Variants in SYTL1 observed in about 807,000 individuals in gnomAD.
SYTL1 encodes the protein synaptotagmin-like protein 1.
A neutral mutation model predicts 74.6 loss-of-function variants in SYTL1; 53 were observed. The observed-to-expected ratio is 0.71, with a 90% CI of 0.57 to 0.89. The LOEUF (loss-of-function observed/expected upper bound fraction) is 0.89, where lower values mean the gene tolerates loss of function less well. Ranked by LOEUF, SYTL1 falls within the 40% of genes least tolerant of loss-of-function variation. SYTL1 has a pLI of 0.00. For synonymous variants in SYTL1, 329 were observed against 324.9 expected, an observed-to-expected ratio of 1.01 and a Z score of -0.14; for missense variants, 728 against 768.7, an observed-to-expected ratio of 0.95 and a Z score of 0.63.
chr1:27,350,580 C>A lies in SYTL1; in HGVS notation c.1005+95C>A. On this transcript the variant is annotated intron_variant, in intron 10 of 14. Transcript: ENST00000616558. The surrounding 1 kb of genome is among the most constrained non-coding windows in gnomAD (Gnocchi z 6.3). ...CAAGGGCAGCCAGTAACGTCATTGC[C>A]CGGAGGATCGGCGGAGGGGGCCCAT... 8.4e-7 allele frequency: 1 copy of A among 1,191,790 alleles called. No homozygotes were observed. The highest frequency in any genetic ancestry group is 1.2e-6 in the Non-Finnish European group (1 of 830,044). 73.8% of individuals were successfully genotyped at this position (1,191,790 alleles called of 1,614,324 possible).
In SYTL1 at chr1:27,347,888, G is replaced by A. The variant is rs756289605; in HGVS notation, c.413+8G>A. The A allele has an allele frequency of 7.4e-6, 12 of 1,614,050 alleles. No individual in the cohort carries two copies. The highest frequency in any genetic ancestry group is 1.0e-5 in the Non-Finnish European group (12 of 1,180,006). On this transcript the variant is annotated splice_region_variant and intron_variant, in intron 4 of 14. Transcript: ENST00000616558. The surrounding 1 kb of genome is among the most constrained non-coding windows in gnomAD (Gnocchi z 4.9). ...AGAGGGGCCAGAGCCCAGGTGAGGA[G>A]GAGTCTCAGGAAGGGGGAGATGGTG...
chr1:27,353,548 G>C, intron 14 of SYTL1, 60 bp downstream of exon 14: 1 of 1,552,220 alleles, frequency 6.4e-7, no homozygotes, highest in Non-Finnish European at 8.7e-7. Context: ...TGGGGGCTCA[G>C]TGTGTGGCCC....
In SYTL1 at chr1:27,351,272, C is replaced by T. The variant is rs1452464707; in HGVS notation, c.1179C>T (p.Pro393=). 3 of 1,559,968 alleles carry T rather than the reference C, an allele frequency of 1.9e-6. No homozygotes were observed. Among genetic ancestry groups the T allele is most frequent in the Admixed American group, 3.8e-5 (2 of 52,524 alleles). The change falls in exon 12 of 15, where the codon CCC becomes CCT. Residue 393 remains proline, a synonymous_variant. Coordinates refer to ENST00000616558, the MANE Select transcript of SYTL1 (RefSeq NM_001193308.2). This position sits in a 1 kb window ranked among gnomAD's most constrained non-coding sequence, Gnocchi z 5.0. ...GCCTCTCGCAGGTCCCACCCTCTCC[C>T]GACGACCTTCCGAGCCGCGGGTTAC... ...LPLQPRVPPS[P]DDLPSRGLLA...
At position 27,349,393 on chromosome 1, in the gene SYTL1, C is replaced by G. The variant is rs1377961274; in HGVS notation, c.533-5C>G. The G allele has an allele frequency of 1.5e-5, 22 of 1,446,146 alleles. No homozygotes were observed. The highest frequency in any genetic ancestry group is 3.0e-5 in the South Asian group (2 of 67,592). The allele number at this position is 1,446,146 out of a possible 1,614,324, so 89.6% of individuals were successfully genotyped here. ...GCTCGCTTAGCATCTCGTGCCCCAC[C>G]CCAGATCCTGGCCAAGGAGACCAAC... On this transcript the variant is annotated splice_region_variant and splice_polypyrimidine_tract_variant and intron_variant, in intron 6 of 14. Transcript: ENST00000616558.
Position 27,350,080 on chromosome 1 carries a change from C to T in SYTL1, c.856C>T (p.His286Tyr). Residue 286 changes from histidine to tyrosine, a missense_variant, in exon 9 of 15, where the codon CAC becomes TAC. Transcript: ENST00000616558. This position sits in a 1 kb window ranked among gnomAD's most constrained non-coding sequence, Gnocchi z 6.3. Reference protein sequence around the residue: ...YEPGAAELRVHVIQCQGLAAA... With the variant: ...YEPGAAELRVYVIQCQGLAAA... ...GCCGGGCGCCGCCGAGCTGCGCGTG[C>T]ACGTGATCCAGTGCCAGGGCCTGGC... is the stretch of plus-strand genomic sequence containing the variant. 1 of 1,487,244 alleles carries T rather than the reference C, an allele frequency of 6.7e-7. No individual in the cohort carries two copies. Among genetic ancestry groups the T allele is most frequent in the Admixed American group, 2.3e-5 (1 of 42,852 alleles). The allele number at this position is 1,487,244 out of a possible 1,614,324, so 92.1% of individuals were successfully genotyped here.
In SYTL1 at chr1:27,345,311, C is replaced by T; in HGVS notation, c.-24C>T. On this transcript the variant is annotated 5_prime_UTR_variant, in exon 2 of 15. Transcript: ENST00000616558. This position sits in a 1 kb window ranked among gnomAD's most constrained non-coding sequence, Gnocchi z 6.0. ...TCTGCCCCCAGGAAGCTCCGTGTGC[C>T]CAGCTGGGGCACAGCCCCAGCTGAT... 1 of 1,452,854 alleles carries T rather than the reference C, an allele frequency of 6.9e-7. No individual in the cohort carries two copies. Among genetic ancestry groups the T allele is most frequent in the Non-Finnish European group, 9.1e-7 (1 of 1,101,774 alleles). 90.0% of individuals were successfully genotyped at this position (1,452,854 alleles called of 1,614,324 possible).
Position 27,351,597 on chromosome 1 carries a change from GCA to G in SYTL1, c.1343+43_1343+44del, listed in dbSNP as rs1218683842. ...CTCCGGGCTTCCCATTCTTTTGCCT[GCA>G]GTGGAGTGCCCAACCTCCACAAACC... On this transcript the variant is annotated intron_variant, in intron 13 of 14. Coordinates refer to ENST00000616558, the MANE Select transcript of SYTL1 (RefSeq NM_001193308.2). This position sits in a 1 kb window ranked among gnomAD's most constrained non-coding sequence, Gnocchi z 5.0. 1 of 1,304,068 alleles carries G rather than the reference GCA, an allele frequency of 7.7e-7. No individual in the cohort carries two copies. The highest frequency in any genetic ancestry group is 2.6e-5 in the East Asian group (1 of 38,880). 80.8% of individuals were successfully genotyped at this position (1,304,068 alleles called of 1,614,324 possible). A position where few individuals can be genotyped will look rare whatever the true frequency, so the allele number is the denominator to read the frequency against.
Position 27,351,050 on chromosome 1 carries a change from A to G in SYTL1, c.1164+98A>G. The stretch of plus-strand genomic sequence containing the variant: ...AGCCCCCTCACACCCCGCCTTCGAC[A>G]GAACCTCCCCTCAACCTCTTAACCT... On this transcript the variant is annotated intron_variant, in intron 11 of 14. Transcript: ENST00000616558. This position sits in a 1 kb window ranked among gnomAD's most constrained non-coding sequence, Gnocchi z 5.0. The G allele has an allele frequency of 6.9e-7, 1 of 1,451,940 alleles. No homozygotes were observed. The allele number at this position is 1,451,940 out of a possible 1,614,324, so 89.9% of individuals were successfully genotyped here.
Position 27,351,087 on chromosome 1 carries a change from G to A in SYTL1, c.1164+135G>A. 7.5e-7 allele frequency: 1 copy of A among 1,339,852 alleles called. No individual in the cohort carries two copies. Among genetic ancestry groups the A allele is most frequent in the Non-Finnish European group, 1.0e-6 (1 of 987,998 alleles). The allele number at this position is 1,339,852 out of a possible 1,614,324, so 83.0% of individuals were successfully genotyped here. ...CAACCTCTTAACCTCATGGCCCCAGGCGAAGCCCGGCCGGCCACGGCCCCT... is the reference window on the plus strand; with the variant it reads ...CAACCTCTTAACCTCATGGCCCCAGACGAAGCCCGGCCGGCCACGGCCCCT... On this transcript the variant is annotated intron_variant, in intron 11 of 14. Coordinates refer to ENST00000616558, the MANE Select transcript of SYTL1 (RefSeq NM_001193308.2). This position sits in a 1 kb window ranked among gnomAD's most constrained non-coding sequence, Gnocchi z 5.0.
chr1:27,349,194 G>A lies in SYTL1; in HGVS notation c.532+42G>A, dbSNP rs765507675. On this transcript the variant is annotated intron_variant, in intron 6 of 14. Coordinates refer to ENST00000616558, the MANE Select transcript of SYTL1 (RefSeq NM_001193308.2). ...GTTGGGGAGCACGGAGAGGTTTCGC[G>A]GGTCAGAGGCAGCTCTAAGGGGCCC... The A allele has an allele frequency of 5.3e-5, 85 of 1,596,992 alleles. No homozygotes were observed. Among genetic ancestry groups the A allele is most frequent in the Non-Finnish European group, 4.5e-5 (52 of 1,166,226 alleles).
At position 27,351,001 on chromosome 1, in the gene SYTL1, A is replaced by G. The variant is rs750200369; in HGVS notation, c.1164+49A>G. 1 of 1,602,634 alleles carries G rather than the reference A, an allele frequency of 6.2e-7. No individual in the cohort carries two copies. The highest frequency in any genetic ancestry group is 2.2e-5 in the East Asian group (1 of 44,652). On this transcript the variant is annotated intron_variant, in intron 11 of 14. Coordinates refer to ENST00000616558, the MANE Select transcript of SYTL1 (RefSeq NM_001193308.2). The surrounding 1 kb of genome is among the most constrained non-coding windows in gnomAD (Gnocchi z 5.0). The stretch of plus-strand genomic sequence containing the variant: ...GAGACCTGCGGCCCGGGTCTCCTGC[A>G]TTTACCCCACCAGGCTCTCCCGCAG...
rs775356783 is a variant in SYTL1 at position 27,350,240 on chromosome 1, T to C, written c.908+108T>C. ...CTTCAAAATGGGAACAACAGCGTTA[T>C]TGGGAGGCGTGCGATTAAGCGAGAC... On this transcript the variant is annotated intron_variant, in intron 9 of 14. Coordinates refer to ENST00000616558, the MANE Select transcript of SYTL1 (RefSeq NM_001193308.2). This position sits in a 1 kb window ranked among gnomAD's most constrained non-coding sequence, Gnocchi z 6.3. 46 of 1,485,386 alleles carry C rather than the reference T, an allele frequency of 3.1e-5. No homozygotes were observed. In the African/African-American group the frequency reaches 3.3e-4, roughly 11 times the overall value. 92.0% of individuals were successfully genotyped at this position (1,485,386 alleles called of 1,614,324 possible).
rs1295899665 is a variant in SYTL1 at position 27,343,022 on chromosome 1, TG to T, written c.-39+876del. ...TCCTGAGGGTGTCAAGAGGGATCGC[TG>T]GGGCTCGGCCACTGACTCAGCTGGG... On this transcript the variant is annotated intron_variant, in intron 1 of 14. Coordinates refer to ENST00000616558, the MANE Select transcript of SYTL1 (RefSeq NM_001193308.2). The surrounding 1 kb of genome is among the most constrained non-coding windows in gnomAD (Gnocchi z 5.2). Among the ~76,000 whole-genome samples the T allele has an allele frequency of 6.6e-6, 1 of 152,186 alleles. No homozygotes were observed. Among genetic ancestry groups the T allele is most frequent in the Non-Finnish European group, 1.5e-5 (1 of 68,026 alleles).
In SYTL1 at chr1:27,351,554, T is replaced by G. The variant is rs2015279424; in HGVS notation, c.1342T>G (p.Cys448Gly). The G allele has an allele frequency of 2.6e-6, 4 of 1,530,136 alleles. No individual in the cohort carries two copies. In the Admixed American group the frequency reaches 6.2e-5, roughly 24 times the overall value. 94.8% of individuals were successfully genotyped at this position (1,530,136 alleles called of 1,614,324 possible). A position where few individuals can be genotyped will look rare whatever the true frequency, so the allele number is the denominator to read the frequency against. The change falls in exon 13 of 15, where the codon TGC becomes GGC. Residue 448 changes from cysteine to glycine, a missense_variant and splice_region_variant. Physicochemically the swap from Cys to Gly is radical, Grantham distance 159. Transcript: ENST00000616558. The surrounding 1 kb of genome is among the most constrained non-coding windows in gnomAD (Gnocchi z 5.0). ...AGGATCCCTGGACACTTACGTACAATGGTGAGGAGTGCTGGCCCTCCGGGC... is the reference window on the plus strand; with the variant it reads ...AGGATCCCTGGACACTTACGTACAAGGGTGAGGAGTGCTGGCCCTCCGGGC... ...RAGSLDTYVQ[C>G]FVLPDDSQAS...
At position 27,351,964 on chromosome 1, in the gene SYTL1, A is replaced by T. The variant is rs2015296444; in HGVS notation, c.1343+409A>T. On this transcript the variant is annotated intron_variant, in intron 13 of 14. Transcript: ENST00000616558. This position sits in a 1 kb window ranked among gnomAD's most constrained non-coding sequence, Gnocchi z 5.0. ...GGGTCACTTCTGGGTGTCCACTCTGATGCAGCCAGAGGCTGCAGTACAGAG... is the reference window on the plus strand; with the variant it reads ...GGGTCACTTCTGGGTGTCCACTCTGTTGCAGCCAGAGGCTGCAGTACAGAG... 1.2e-5 allele frequency: 2 copies of T among 169,112 alleles called. No individual in the cohort carries two copies. Among genetic ancestry groups the T allele is most frequent in the Non-Finnish European group, 2.5e-5 (2 of 79,948 alleles). The allele number at this position is 169,112 out of a possible 1,614,324, so 10.5% of individuals were successfully genotyped here. A position where few individuals can be genotyped will look rare whatever the true frequency, so the allele number is the denominator to read the frequency against.
At position 27,345,186 on chromosome 1, in the gene SYTL1, G is replaced by T; in HGVS notation, c.-38-111G>T. ...CCCACCTTGAGCTCAGCCATCCTGG[G>T]GTGGCACCCTACCCATACCCGGCCA... On this transcript the variant is annotated intron_variant, in intron 1 of 14. Transcript: ENST00000616558. The surrounding 1 kb of genome is among the most constrained non-coding windows in gnomAD (Gnocchi z 6.0). The T allele has an allele frequency of 1.8e-6, 1 of 569,986 alleles. No homozygotes were observed. The highest frequency in any genetic ancestry group is 3.0e-6 in the Non-Finnish European group (1 of 334,030). The allele number at this position is 569,986 out of a possible 1,614,324, so 35.3% of individuals were successfully genotyped here.
In SYTL1 at chr1:27,343,029, C is replaced by T. The variant is rs1376775672; in HGVS notation, c.-39+879C>T. Among the ~76,000 whole-genome samples the T allele has an allele frequency of 2.6e-5, 4 of 152,364 alleles. No homozygotes were observed. The highest frequency in any genetic ancestry group is 9.6e-5 in the African/African-American group (4 of 41,592). ...GGTGTCAAGAGGGATCGCTGGGGCT[C>T]GGCCACTGACTCAGCTGGGAGGGGA... On this transcript the variant is annotated intron_variant, in intron 1 of 14. Transcript: ENST00000616558. The surrounding 1 kb of genome is among the most constrained non-coding windows in gnomAD (Gnocchi z 5.2).
rs1436641917 is a variant in SYTL1, at chr1:27,350,074, C to A, written c.850C>A (p.Arg284Ser). 2.0e-6 allele frequency: 3 copies of A among 1,495,266 alleles called. No individual in the cohort carries two copies. The highest frequency in any genetic ancestry group is 2.7e-6 in the Non-Finnish European group (3 of 1,129,102). 92.6% of individuals were successfully genotyped at this position (1,495,266 alleles called of 1,614,324 possible). Residue 284 changes from arginine (R) to serine (S), a missense_variant, in exon 9 of 15, where the codon CGC becomes AGC. Physicochemically the swap from Arg to Ser is moderately radical, Grantham distance 110 (BLOSUM62 -1). Transcript: ENST00000616558. The surrounding 1 kb of genome is among the most constrained non-coding windows in gnomAD (Gnocchi z 6.3). Reference sequence around the variant, plus strand: ...CTACGAGCCGGGCGCCGCCGAGCTGCGCGTGCACGTGATCCAGTGCCAGGG... The same window carrying A: ...CTACGAGCCGGGCGCCGCCGAGCTGAGCGTGCACGTGATCCAGTGCCAGGG... ...LHYEPGAAELRVHVIQCQGLA... is the reference protein window; with the variant it reads ...LHYEPGAAELSVHVIQCQGLA...
rs753014125 is a variant in SYTL1 at position 27,353,421 on chromosome 1, C to T, written c.1482C>T (p.Leu494=). The T allele has an allele frequency of 2.5e-6, 4 of 1,610,964 alleles. No homozygotes were observed. Residue 494 remains leucine, a synonymous_variant, in exon 14 of 15, where the codon CTC becomes CTT. Transcript: ENST00000616558. Reference sequence around the variant, plus strand: ...ACCTGCGCCAGGCTTGTGCCGAGCTCTCCCTCTGGGACCATGGGGCCCTGG... The same window carrying T: ...ACCTGCGCCAGGCTTGTGCCGAGCTTTCCCTCTGGGACCATGGGGCCCTGG... ...PADLRQACAE[L]SLWDHGALAN... is the part of the protein sequence containing the mutation.
Sources: allele counts gnomAD v4.1 joint callset (sites outside exome capture counted in the v4.1 genomes callset), GRCh38; gene constraint gnomAD v4.1.1; non-coding constraint Gnocchi (gnomAD v3.1); transcripts MANE v1.5; gene names NCBI Gene and HGNC (gene_info 2026-07-23, HGNC 2026-07-21).